The following TIMD4 variants were observed in gnomAD, a reference collection of about 807,000 sequenced individuals.
TIMD4 encodes T cell immunoglobulin and mucin domain containing 4, also known as T-cell immunoglobulin and mucin domain-containing protein 4.
A neutral mutation model predicts 41.2 loss-of-function variants in TIMD4; 31 were observed. The ratio of observed to expected loss-of-function variants is 0.75; its 90% confidence interval spans 0.57 to 1.01. The LOEUF is 1.01. TIMD4 is among the 50% of genes least tolerant of loss of function. TIMD4 has a pLI of 0.00. For synonymous variants in TIMD4, 204 were observed against 177.1 expected (o/e 1.15, Z -1.21); for missense variants, 479 against 472.5 (o/e 1.01, Z -0.13).
chr5:156,951,813 T>G, intron 2 of TIMD4, 23 bp from the exon 3 acceptor site: 1 of 1,612,676 alleles, frequency 6.2e-7, no homozygotes, highest in Non-Finnish European at 8.5e-7. Flanking sequence ...ACAGACATGT[T>G]TGGCACCAAG....
chr5:156,923,453 A>C (rs1267917965), intron 6 of TIMD4, among the ~76,000 whole-genome samples: 3 of 151,950 alleles, frequency 2.0e-5, no homozygotes, highest in Non-Finnish European at 1.5e-5. Flanking sequence ...CCGGCCTAAA[A>C]AAATTTTTTA....
At chr5:156,922,887 C>G (rs1759273250) in intron 6 of TIMD4, among the ~76,000 whole-genome samples, 1 of 152,098 alleles carries the variant, frequency 6.6e-6, no homozygotes, top group Admixed American at 6.5e-5. Context: ...ATTTTTCTCA[C>G]TAATATTTTT....
chr5:156,956,675 T>A (rs1250736152), intron 1 of TIMD4, among the ~76,000 whole-genome samples: 1 of 152,246 alleles, frequency 6.6e-6, no homozygotes, highest in African/African-American at 2.4e-5. Context: ...CCCATTGGTT[T>A]AATTGTGCAT....
At chr5:156,927,000 C>G (rs564945934) in intron 5 of TIMD4, among the ~76,000 whole-genome samples, 22 of 152,306 alleles carry the variant, frequency 1.4e-4, no homozygotes, top group African/African-American at 5.1e-4. Flanking sequence ...TACTGTGAGA[C>G]TGCGGCATGG....
At chr5:156,924,583 T>C (rs1280159164) in intron 6 of TIMD4, 1 of 278,104 alleles carries the variant, frequency 3.6e-6, no homozygotes, top group Non-Finnish European at 7.4e-6. Context: ...CAGCAAGCCA[T>C]CGAGTTTGTG....
At chr5:156,934,774 T>C (rs1436090701) in intron 5 of TIMD4, among the ~76,000 whole-genome samples, 1 of 151,864 alleles carries the variant, frequency 6.6e-6, no homozygotes, top group Non-Finnish European at 1.5e-5. Flanking sequence ...ATAATCCTAC[T>C]TGAAAACACA....
intron 1 of TIMD4, among the ~76,000 whole-genome samples, chr5:156,958,443 T>C (rs1760021547): frequency 6.6e-6 from 1 of 151,510 alleles, no homozygotes; most frequent in South Asian, 2.1e-4. Flanking sequence ...GATAAGGAAA[T>C]AGGAGCAGCC....
chr5:156,949,556 G>A, intron 4 of TIMD4, 95 bp downstream of exon 4: 1 of 1,071,616 alleles, frequency 9.3e-7, no homozygotes, highest in Non-Finnish European at 1.4e-6. Context: ...GACCCAAAGA[G>A]GTTGTCAGTC....
At chr5:156,955,717 C>T (rs192710233) in intron 1 of TIMD4, among the ~76,000 whole-genome samples, 181 of 152,068 alleles carry the variant, frequency 1.2e-3, no homozygotes, top group Middle Eastern at 6.9e-3. Context: ...GAAAGATAGG[C>T]TGTAAAACTG....
In TIMD4 at chr5:156,931,343, C is replaced by G. The variant is rs753179233; in HGVS notation, c.845-5031G>C. On this transcript the variant is annotated intron_variant, in intron 5 of 8. Coordinates refer to ENST00000274532, the MANE Select transcript of TIMD4 (RefSeq NM_138379.3). ...ATACAGAGACAGTGGTTCCTAAGAC[C>G]TTCCAAAAGAACAGTTGTTCTGGGA... Among the ~76,000 whole-genome samples the G allele has an allele frequency of 4.7e-4, 71 of 152,152 alleles. 2 individuals carry two copies. Among genetic ancestry groups the G allele is most frequent in the Admixed American group, 6.5e-5 (1 of 15,278 alleles).
chr5:156,943,226 G>GA (rs2113371001), intron 5 of TIMD4, among the ~76,000 whole-genome samples: 1 of 152,072 alleles, frequency 6.6e-6, no homozygotes, highest in South Asian at 2.1e-4. Flanking sequence ...GTAAAGAAAA[G>GA]AAAAAAATAG....
At chr5:156,928,401 GA>G (rs922228249) in intron 5 of TIMD4, among the ~76,000 whole-genome samples, 1 of 150,248 alleles carries the variant, frequency 6.7e-6, no homozygotes, top group African/African-American at 2.4e-5. Context: ...GTGGAGGAGA[GA>G]AAAAAAAAGA....
chr5:156,953,436 A>G (rs993046738), intron 2 of TIMD4, among the ~76,000 whole-genome samples: 16 of 152,044 alleles, frequency 1.1e-4, no homozygotes, highest in African/African-American at 3.6e-4. Flanking sequence ...TGGGTGGATC[A>G]CTTAAGGTCA....
chr5:156,933,469 A>G, intron 5 of TIMD4, among the ~76,000 whole-genome samples: 1 of 142,140 alleles, frequency 7.0e-6, no homozygotes, highest in Non-Finnish European at 1.5e-5. Flanking sequence ...CCCCCCCCAA[A>G]AAAAGCTGAA....
intron 2 of TIMD4, among the ~76,000 whole-genome samples, chr5:156,953,653 CAAA>C (rs35165963): frequency 1.2e-4 from 7 of 58,494 alleles, no homozygotes; most frequent in Non-Finnish European, 1.6e-4. Flanking sequence ...AAACTCTGTC[CAAA>C]AAAAAAAAAA....
At chr5:156,958,309 GAA>G (rs1477598652) in intron 1 of TIMD4, among the ~76,000 whole-genome samples, 3 of 3,784 alleles carry the variant, frequency 7.9e-4, no homozygotes, top group African/African-American at 1.4e-3. Flanking sequence ...AAGAAAGAAG[GAA>G]AGGAAAGGAA....
At chr5:156,920,418 C>T (rs775005637) in intron 8 of TIMD4, 46 bp downstream of exon 8, 2 of 1,594,592 alleles carry the variant, frequency 1.3e-6, no homozygotes, top group South Asian at 2.2e-5. Flanking sequence ...TCATTTGTAA[C>T]AGCTTGTACA....
chr5:156,922,253 T>C, intron 6 of TIMD4, 37 bp from the exon 7 acceptor site: 1 of 1,492,626 alleles, frequency 6.7e-7, no homozygotes, highest in East Asian at 2.3e-5. Context: ...ACCCAGTCAC[T>C]GCTAGATGCC....
At chr5:156,962,653 T>A (rs1397061394) in intron 1 of TIMD4, among the ~76,000 whole-genome samples, 1 of 151,910 alleles carries the variant, frequency 6.6e-6, no homozygotes, top group Non-Finnish European at 1.5e-5. Flanking sequence ...CAAAACTGAG[T>A]GTGTACACTT....
Sources: gnomAD v4.1 joint callset for allele counts (sites outside exome capture counted in the v4.1 genomes callset) on GRCh38, gnomAD v4.1.1 for gene constraint, MANE v1.5 for transcripts, NCBI Gene and HGNC (gene_info 2026-07-23, HGNC 2026-07-21) for gene names.